NYAP2: variants seen among roughly 807,000 people sequenced by gnomAD.
NYAP2 encodes the protein neuronal tyrosine-phosphorylated phosphoinositide-3-kinase adapter 2.
NYAP2 carries 23 observed loss-of-function variants against 50.4 expected under a neutral mutation model. The ratio of observed to expected loss-of-function variants is 0.46; its 90% CI spans 0.33 to 0.65. The LOEUF is 0.65. NYAP2 is among the 30% of genes least tolerant of loss of function. NYAP2 has a pLI of 0.02. For missense variants in NYAP2, 885 were observed against 861.0 expected (o/e 1.03, Z -0.35); for synonymous variants, 394 against 365.2 (o/e 1.08, Z -0.90).
chr2:225,509,763 T>C (rs1407372486), intron 3 of NYAP2, among the ~76,000 whole-genome samples: 1 of 152,208 alleles, frequency 6.6e-6, no homozygotes, highest in Non-Finnish European at 1.5e-5. Context: ...CAATGGTTCA[T>C]TGTTGTCTCG....
chr2:225,522,638 C>G (rs1691085529), intron 4 of NYAP2, among the ~76,000 whole-genome samples: 1 of 152,158 alleles, frequency 6.6e-6, no homozygotes, highest in African/African-American at 2.4e-5. Context: ...CTTTGAGTAT[C>G]TACCCTGTTG....
chr2:225,670,123 G>A, the NYAP2 span, among the ~76,000 whole-genome samples: 1 of 152,110 alleles, frequency 6.6e-6, no homozygotes, highest in African/African-American at 2.4e-5. Context: ...TACTTCCTCT[G>A]ACCAAATCCA....
At chr2:225,601,341 G>A (rs758035339) in intron 5 of NYAP2, among the ~76,000 whole-genome samples, 113 of 151,940 alleles carry the variant, frequency 7.4e-4, no homozygotes, top group Non-Finnish European at 1.4e-3. Flanking sequence ...GAATGGTCTC[G>A]ATCTCTTGAC....
intron 4 of NYAP2, among the ~76,000 whole-genome samples, chr2:225,545,662 A>G (rs1044062871): frequency 2.0e-5 from 3 of 152,128 alleles, no homozygotes; most frequent in East Asian, 1.9e-4. Flanking sequence ...AAAGTCAAAT[A>G]TCTGTGTTTC....
chr2:225,671,430 T>C, the NYAP2 span, among the ~76,000 whole-genome samples: 3 of 152,158 alleles, frequency 2.0e-5, no homozygotes, highest in South Asian at 2.1e-4. Context: ...AGTTTTATCA[T>C]GAGATTGCTG....
intron 5 of NYAP2, among the ~76,000 whole-genome samples, chr2:225,614,897 C>T (rs920818181): frequency 1.8e-4 from 28 of 152,242 alleles, no homozygotes; most frequent in African/African-American, 6.7e-4. Flanking sequence ...ATGTCACAGG[C>T]CGTGATTTTT....
At chr2:225,621,478 A>G (rs1241676154) in intron 5 of NYAP2, among the ~76,000 whole-genome samples, 1 of 152,082 alleles carries the variant, frequency 6.6e-6, no homozygotes, top group Non-Finnish European at 1.5e-5. Context: ...CAAAGGGAGG[A>G]GGAAATGAGG....
intron 4 of NYAP2, among the ~76,000 whole-genome samples, chr2:225,521,174 C>A: frequency 6.6e-6 from 1 of 150,904 alleles, no homozygotes; most frequent in African/African-American, 2.5e-5. Context: ...AGATTTTGGG[C>A]TGAGACAATG....
At chr2:225,677,820 A>AT in the NYAP2 span, among the ~76,000 whole-genome samples, 3 of 152,022 alleles carry the variant, frequency 2.0e-5, no homozygotes, top group African/African-American at 7.2e-5. Flanking sequence ...GATTGTTAGT[A>AT]TTTTGTAGCG....
chr2:225,412,281 T>TTTTTTTTTTTTA (rs1695056916), intron 3 of NYAP2, among the ~76,000 whole-genome samples: 1 of 137,430 alleles, frequency 7.3e-6, no homozygotes, highest in Non-Finnish European at 1.5e-5. Context: ...TTTTTTTTTT[T>TTTTTTTTTTTTA]AACAAAAATT....
Position 225,582,500 on chromosome 2 carries a change from G to A in NYAP2, c.1083G>A (p.Thr361=), listed in dbSNP as rs780896106. Residue 361 remains threonine, a synonymous_variant, in exon 5 of 7, where the codon ACG becomes ACA. Transcript: ENST00000636099. This position sits in a 1 kb window ranked among gnomAD's most constrained non-coding sequence, Gnocchi z 7.0. The stretch of plus-strand genomic sequence containing the variant: ...CCCCGCTTACCCCTCTGGAGGTCAC[G>A]AAGCTTCCCGTGCTGGAAAACGTGT... 9 of 1,496,728 alleles carry A rather than the reference G, an allele frequency of 6.0e-6. No homozygotes were observed. The highest frequency in any genetic ancestry group is 1.2e-5 in the South Asian group (1 of 81,078). The allele number at this position is 1,496,728 out of a possible 1,614,324, so 92.7% of individuals were successfully genotyped here.
chr2:225,420,001 A>T (rs1242012697), intron 3 of NYAP2, among the ~76,000 whole-genome samples: 1 of 152,232 alleles, frequency 6.6e-6, no homozygotes, highest in Non-Finnish European at 1.5e-5. Flanking sequence ...TAATTTTGGC[A>T]TATGAATAGA....
chr2:225,582,274 A>T lies in NYAP2; in HGVS notation c.857A>T (p.Asp286Val). The change falls in exon 5 of 7, where the codon GAC (aspartate) becomes GTC (valine). Residue 286 changes from aspartate (D) to valine (V), a missense_variant. Asp to Val is a radical substitution (Grantham distance 152). Coordinates refer to ENST00000636099, the Ensembl canonical transcript of NYAP2. The surrounding 1 kb of genome is among the most constrained non-coding windows in gnomAD (Gnocchi z 7.0). Reference sequence around the variant, plus strand: ...GACTTGGGCCAAGACGCCAAATGTGACTTCGACCATCACAGCTGTTCTTCG... The same window carrying T: ...GACTTGGGCCAAGACGCCAAATGTGTCTTCGACCATCACAGCTGTTCTTCG... 3.7e-6 allele frequency: 6 copies of T among 1,614,022 alleles called. No homozygotes were observed. Among genetic ancestry groups the T allele is most frequent in the Non-Finnish European group, 4.2e-6 (5 of 1,179,886 alleles).
chr2:225,497,659 A>G (rs1349842190), intron 3 of NYAP2, among the ~76,000 whole-genome samples: 8 of 152,220 alleles, frequency 5.3e-5, no homozygotes, highest in Non-Finnish European at 1.2e-4. Flanking sequence ...AGGTATTACT[A>G]CCTCACTGGA....
intron 4 of NYAP2, among the ~76,000 whole-genome samples, chr2:225,520,281 A>T (rs1364840558): frequency 3.3e-5 from 5 of 151,924 alleles, no homozygotes; most frequent in African/African-American, 1.2e-4. Flanking sequence ...GTTTAATTAG[A>T]TCCCATTTGT....
upstream of NYAP2, among the ~76,000 whole-genome samples, chr2:225,398,652 G>A (rs1264774575): frequency 6.6e-6 from 1 of 151,924 alleles, no homozygotes; most frequent in Non-Finnish European, 1.5e-5. Flanking sequence ...GAGGGAAAGG[G>A]AGAGCATTGG....
chr2:225,558,535 C>G (rs1005923025), intron 4 of NYAP2, among the ~76,000 whole-genome samples: 1 of 152,166 alleles, frequency 6.6e-6, no homozygotes, highest in African/African-American at 2.4e-5. Context: ...CCACTGTCCT[C>G]TCTCTCCAAT....
chr2:225,603,709 C>T (rs931443090), intron 5 of NYAP2, among the ~76,000 whole-genome samples: 6 of 152,140 alleles, frequency 3.9e-5, no homozygotes, highest in African/African-American at 1.4e-4. Context: ...ATCCTGGCAC[C>T]CATTCCAGTG....
chr2:225,579,484 T>G (rs1692233327), intron 4 of NYAP2, among the ~76,000 whole-genome samples: 1 of 152,250 alleles, frequency 6.6e-6, no homozygotes, highest in Non-Finnish European at 1.5e-5. Context: ...GAAACTTCTG[T>G]TTCTTAAATC....
Sources: gnomAD v4.1 joint callset for allele counts (sites outside exome capture counted in the v4.1 genomes callset) on GRCh38, gnomAD v4.1.1 for gene constraint, Gnocchi (gnomAD v3.1) non-coding constraint, MANE v1.5 for transcripts, NCBI Gene and HGNC (gene_info 2026-07-23, HGNC 2026-07-21) for gene names.